The following FBXO8 variants were observed in gnomAD, a reference collection of about 807,000 sequenced individuals.
FBXO8 encodes F-box only protein 8.
A neutral mutation model predicts 33.4 loss-of-function variants in FBXO8; 15 were observed. The ratio of observed to expected loss-of-function variants is 0.45; its 90% CI spans 0.30 to 0.69. FBXO8 has a LOEUF of 0.69. FBXO8 is among the 30% of genes least tolerant of loss of function. FBXO8 has a pLI of 0.08. For synonymous variants in FBXO8, 132 were observed against 131.5 expected (o/e 1.00, Z -0.02); for missense variants, 274 against 380.3 (o/e 0.72, Z 2.32).
rs529722893 is a variant in FBXO8 at position 174,270,266 on chromosome 4, A to G, written c.-8-7166T>C. Among the ~76,000 whole-genome samples the G allele has an allele frequency of 2.5e-4, 38 of 152,226 alleles. No individual in the cohort carries two copies. The highest frequency in any genetic ancestry group is 4.4e-4 in the Non-Finnish European group (30 of 68,050). On this transcript the variant is annotated intron_variant, in intron 1 of 5. Coordinates refer to ENST00000393674, the MANE Select transcript of FBXO8 (RefSeq NM_012180.3). The surrounding 1 kb of genome is among the most constrained non-coding windows in gnomAD (Gnocchi z 4.6). ...ATTTCAAACTTAACTTTCTGTTCCTAAAGTCCTATGCTGCTGTGGCACAGT... is the reference window on the plus strand; with the variant it reads ...ATTTCAAACTTAACTTTCTGTTCCTGAAGTCCTATGCTGCTGTGGCACAGT...
intron 1 of FBXO8, among the ~76,000 whole-genome samples, chr4:174,282,196 A>AC (rs988564332): frequency 3.3e-5 from 5 of 152,224 alleles, no homozygotes; most frequent in African/African-American, 1.2e-4. Context: ...CATTAAAGTG[A>AC]CCATATGTAA....
At position 174,255,794 on chromosome 4, in the gene FBXO8, G is replaced by A. The variant is rs780911882; in HGVS notation, c.456+3905C>T. Reference sequence around the variant, plus strand: ...GCACAAGTAATATAGTTTACTGGTTGTTAAATAAAATTACTTCATTATACT... The same window carrying A: ...GCACAAGTAATATAGTTTACTGGTTATTAAATAAAATTACTTCATTATACT... On this transcript the variant is annotated intron_variant, in intron 3 of 5. Transcript: ENST00000393674. This position sits in a 1 kb window ranked among gnomAD's most constrained non-coding sequence, Gnocchi z 4.3. Among the ~76,000 whole-genome samples the A allele has an allele frequency of 3.3e-5, 5 of 152,148 alleles. No individual in the cohort carries two copies. The highest frequency in any genetic ancestry group is 6.6e-5 in the Admixed American group (1 of 15,260).
chr4:174,244,495 T>C (rs1262992942), intron 3 of FBXO8, among the ~76,000 whole-genome samples: 1 of 151,720 alleles, frequency 6.6e-6, no homozygotes. Context: ...GTTTAATCTA[T>C]ACACATTTTA....
intron 1 of FBXO8, among the ~76,000 whole-genome samples, chr4:174,264,680 T>C (rs1490153758): frequency 6.6e-6 from 1 of 151,968 alleles, no homozygotes; most frequent in Non-Finnish European, 1.5e-5. Flanking sequence ...TTTTAAAATG[T>C]AGGCACATTT....
chr4:174,268,567 C>CT (rs1736751658), intron 1 of FBXO8, among the ~76,000 whole-genome samples: 1 of 151,818 alleles, frequency 6.6e-6, no homozygotes. Context: ...CTCCAGAGTG[C>CT]TGGGACTACA....
intron 1 of FBXO8, among the ~76,000 whole-genome samples, chr4:174,266,684 C>T (rs1736703587): frequency 6.6e-6 from 1 of 152,110 alleles, no homozygotes; most frequent in African/African-American, 2.4e-5. Flanking sequence ...GGTTTAAATC[C>T]TGACTTTATT....
Position 174,241,021 on chromosome 4 carries a change from A to G in FBXO8, c.575+79T>C. On this transcript the variant is annotated intron_variant, in intron 4 of 5. Transcript: ENST00000393674. This position sits in a 1 kb window ranked among gnomAD's most constrained non-coding sequence, Gnocchi z 4.2. ...TGCAACCAGATGATTACTATGCAGT[A>G]TTAGTTTTAAAGTAAAACTTAACTC... 1 of 767,264 alleles carries G rather than the reference A, an allele frequency of 1.3e-6. No homozygotes were observed. The highest frequency in any genetic ancestry group is 1.8e-5 in the South Asian group (1 of 56,318). 47.5% of individuals were successfully genotyped at this position (767,264 alleles called of 1,614,324 possible). A position where few individuals can be genotyped will look rare whatever the true frequency, so the allele number is the denominator to read the frequency against.
chr4:174,241,066 T>C lies in FBXO8; in HGVS notation c.575+34A>G, dbSNP rs1197263512. ...TAACTCATCAAAAACATTACTTAAC[T>C]CATTTTGGATGAAAAGTTAATTTTC... On this transcript the variant is annotated intron_variant, in intron 4 of 5. Transcript: ENST00000393674. The surrounding 1 kb of genome is among the most constrained non-coding windows in gnomAD (Gnocchi z 4.2). The C allele has an allele frequency of 7.8e-7, 1 of 1,288,154 alleles. No individual in the cohort carries two copies. Among genetic ancestry groups the C allele is most frequent in the South Asian group, 1.2e-5 (1 of 81,146 alleles). The allele number at this position is 1,288,154 out of a possible 1,614,324, so 79.8% of individuals were successfully genotyped here.
At chr4:174,279,787 T>A (rs370303946) in intron 1 of FBXO8, among the ~76,000 whole-genome samples, 1 of 152,098 alleles carries the variant, frequency 6.6e-6, no homozygotes, top group African/African-American at 2.4e-5. Context: ...TGAGAAATCA[T>A]ATCCACATTC....
chr4:174,244,346 G>C (rs1036596842), intron 3 of FBXO8, among the ~76,000 whole-genome samples: 1 of 151,556 alleles, frequency 6.6e-6, no homozygotes, highest in Non-Finnish European at 1.5e-5. Flanking sequence ...CATAAGGAAG[G>C]GAATGCTTGT....
intron 3 of FBXO8, among the ~76,000 whole-genome samples, chr4:174,243,416 T>C (rs573322923): frequency 6.6e-6 from 1 of 151,192 alleles, no homozygotes; most frequent in South Asian, 2.1e-4. Context: ...GGTAAAGGAA[T>C]AACAAATACA....
rs1241864024 is a variant in FBXO8 at position 174,259,157 on chromosome 4, G to C, written c.456+542C>G. Among the ~76,000 whole-genome samples, 1 of 151,628 alleles carries C rather than the reference G, an allele frequency of 6.6e-6. No individual in the cohort carries two copies. On this transcript the variant is annotated intron_variant, in intron 3 of 5. Transcript: ENST00000393674. The surrounding 1 kb of genome is among the most constrained non-coding windows in gnomAD (Gnocchi z 4.3). ...CATGCTTACATGTTATGTTAAGAAA[G>C]AATTAAATAATTAATACAAAATTAT...
intron 1 of FBXO8, among the ~76,000 whole-genome samples, chr4:174,271,114 A>G (rs979566811): frequency 5.9e-5 from 9 of 152,222 alleles, no homozygotes; most frequent in South Asian, 4.1e-4. Context: ...AATGACAGAG[A>G]AAAAAAAGGT....
rs763766386 is a variant in FBXO8, at chr4:174,262,845, A to G, written c.248T>C (p.Leu83Ser). ...MLPPELSFTI[L>S]SYLNATDLCL... Reference sequence around the variant, plus strand: ...AAGGTCAGTTGCATTCAGGTAGGACAAGATGGTAAAGCTTAGCTCAGGAGG... The same window carrying G: ...AAGGTCAGTTGCATTCAGGTAGGACGAGATGGTAAAGCTTAGCTCAGGAGG... The change falls in exon 2 of 6, where the codon TTG becomes TCG. Residue 83 changes from leucine (L) to serine (S), a missense_variant. Coordinates refer to ENST00000393674, the MANE Select transcript of FBXO8 (RefSeq NM_012180.3). The surrounding 1 kb of genome is among the most constrained non-coding windows in gnomAD (Gnocchi z 4.6). The G allele has an allele frequency of 3.7e-6, 6 of 1,613,974 alleles. No homozygotes were observed. Among genetic ancestry groups the G allele is most frequent in the Non-Finnish European group, 4.2e-6 (5 of 1,179,958 alleles).
Position 174,254,554 on chromosome 4 carries a change from T to C in FBXO8, c.456+5145A>G, listed in dbSNP as rs1736376221. On this transcript the variant is annotated intron_variant, in intron 3 of 5. Transcript: ENST00000393674. This position sits in a 1 kb window ranked among gnomAD's most constrained non-coding sequence, Gnocchi z 4.2. ...TGATGAATGGTCTATTAGTTACAAATTATTTGACACAGATATATTTATCAA... is the reference window on the plus strand; with the variant it reads ...TGATGAATGGTCTATTAGTTACAAACTATTTGACACAGATATATTTATCAA... Among the ~76,000 whole-genome samples, 1 of 152,176 alleles carries C rather than the reference T, an allele frequency of 6.6e-6. No individual in the cohort carries two copies. Among genetic ancestry groups the C allele is most frequent in the Non-Finnish European group, 1.5e-5 (1 of 68,022 alleles).
At position 174,283,581 on chromosome 4, in the gene FBXO8, C is replaced by T. The variant is rs1560879626; in HGVS notation, c.-180G>A. ...GTGACCGCGATGAGAATACCAGAAA[C>T]AGCACTACGACCCTCAGAACTCAGG... On this transcript the variant is annotated 5_prime_UTR_variant, in exon 1 of 6. Coordinates refer to ENST00000393674, the MANE Select transcript of FBXO8 (RefSeq NM_012180.3). The surrounding 1 kb of genome is among the most constrained non-coding windows in gnomAD (Gnocchi z 6.7). 7.2e-6 allele frequency: 2 copies of T among 276,214 alleles called. No homozygotes were observed. The highest frequency in any genetic ancestry group is 1.3e-5 in the Non-Finnish European group (2 of 149,490). The allele number at this position is 276,214 out of a possible 1,614,324, so 17.1% of individuals were successfully genotyped here.
Position 174,252,045 on chromosome 4 carries a change from T to C in FBXO8, c.456+7654A>G, listed in dbSNP as rs1579023743. 6.6e-6 allele frequency among the ~76,000 whole-genome samples: 1 copy of C among 152,160 alleles called. No individual in the cohort carries two copies. The highest frequency in any genetic ancestry group is 1.5e-5 in the Non-Finnish European group (1 of 68,024). ...GTGCAGTGGCATGATCATGGCTCAC[T>C]GAAGCCTCAACTTCCTGGACTCAAG... On this transcript the variant is annotated intron_variant, in intron 3 of 5. Transcript: ENST00000393674. The surrounding 1 kb of genome is among the most constrained non-coding windows in gnomAD (Gnocchi z 5.1).
At chr4:174,239,234 A>G (rs767704212) in intron 4 of FBXO8, 44 bp from the exon 5 acceptor site, 1 of 1,334,590 alleles carries the variant, frequency 7.5e-7, no homozygotes, top group Non-Finnish European at 1.0e-6. Flanking sequence ...ACTTTTCTTC[A>G]TTAAAAAAAT....
At position 174,239,104 on chromosome 4, in the gene FBXO8, A is replaced by T; in HGVS notation, c.662T>A (p.Ile221Asn). 6.2e-7 allele frequency: 1 copy of T among 1,608,814 alleles called. No homozygotes were observed. Among genetic ancestry groups the T allele is most frequent in the South Asian group, 1.1e-5 (1 of 90,332 alleles). Residue 221 changes from isoleucine (I) to asparagine (N), a missense_variant, in exon 5 of 6, where the codon ATC (isoleucine) becomes AAC (asparagine). By Grantham distance (149) the Ile-to-Asn change is moderately radical. Coordinates refer to ENST00000393674, the MANE Select transcript of FBXO8 (RefSeq NM_012180.3). The part of the protein sequence containing the change: ...PNALREFFRH[I>N]HAPEERGEYL... ...CTCTCCACGCTCTTCAGGGGCATGG[A>T]TATGACGAAAAAATTCTCTCAGTGC...
Sources: allele counts gnomAD v4.1 joint callset (sites outside exome capture counted in the v4.1 genomes callset), GRCh38; gene constraint gnomAD v4.1.1; non-coding constraint Gnocchi (gnomAD v3.1); transcripts MANE v1.5; gene names NCBI Gene and HGNC (gene_info 2026-07-23, HGNC 2026-07-21).